KITLG: variants seen among roughly 807,000 people sequenced by gnomAD.
KITLG encodes KIT ligand.
KITLG carries 13 observed loss-of-function variants against 34.1 expected under a neutral mutation model. The ratio of observed to expected loss-of-function variants is 0.38; its 90% CI spans 0.25 to 0.61. The LOEUF is 0.61. Among genes scored for constraint, KITLG ranks in the 20% least tolerant of loss-of-function variants. The pLI is 0.60. For synonymous variants in KITLG, 110 were observed against 104.0 expected (o/e 1.06, Z -0.35); for missense variants, 292 against 318.9 (o/e 0.92, Z 0.64).
chr12:88,519,009 C>A, intron 3 of KITLG, 142 bp from the exon 4 acceptor site: 2 of 732,722 alleles, frequency 2.7e-6, no homozygotes, highest in South Asian at 1.6e-5. Flanking sequence ...ATTACAAGTG[C>A]CTGCCACCAT....
intron 2 of KITLG, among the ~76,000 whole-genome samples, chr12:88,539,320 A>G (rs1870436478): frequency 6.6e-6 from 1 of 152,102 alleles, no homozygotes; most frequent in African/African-American, 2.4e-5. Flanking sequence ...CTTTTACAAA[A>G]TGCTGTGCCT....
chr12:88,520,020 G>C (rs905192300), intron 3 of KITLG, among the ~76,000 whole-genome samples: 1 of 152,142 alleles, frequency 6.6e-6, no homozygotes, highest in Non-Finnish European at 1.5e-5. Flanking sequence ...AAGGAAGCAG[G>C]TTTATCTGCA....
At chr12:88,498,664 C>T (rs773216795) in intron 9 of KITLG, among the ~76,000 whole-genome samples, 5 of 152,160 alleles carry the variant, frequency 3.3e-5, no homozygotes, top group Non-Finnish European at 7.3e-5. Flanking sequence ...CATCTGAAGT[C>T]AGGAGTTTGA....
At chr12:88,534,061 C>G (rs549547083) in intron 2 of KITLG, among the ~76,000 whole-genome samples, 1 of 152,154 alleles carries the variant, frequency 6.6e-6, no homozygotes, top group Admixed American at 6.6e-5. Context: ...AGGCACTGTG[C>G]TCACTATGGG....
intron 2 of KITLG, among the ~76,000 whole-genome samples, chr12:88,542,774 C>T (rs1870567499): frequency 6.6e-6 from 1 of 152,028 alleles, no homozygotes; most frequent in Admixed American, 6.6e-5. Context: ...AGTTGAGATT[C>T]GGTATAGTGA....
chr12:88,547,317 A>G (rs891867289), intron 1 of KITLG, among the ~76,000 whole-genome samples: 2 of 152,190 alleles, frequency 1.3e-5, no homozygotes, highest in African/African-American at 2.4e-5. Context: ...TGCTAATTAC[A>G]TGGATATAGT....
chr12:88,518,238 A>G (rs1436543609), intron 4 of KITLG, among the ~76,000 whole-genome samples: 2 of 152,134 alleles, frequency 1.3e-5, no homozygotes, highest in East Asian at 3.9e-4. Flanking sequence ...TGTCATGCCC[A>G]TATCCTGAAG....
rs1415895149 is a variant in KITLG, at chr12:88,535,884, A to T, written c.130-3381T>A. ...TGGAACTAGACCCCTACTATTCAAC[A>T]CATACAAAAATTAACTCAAAAGGAA... On this transcript the variant is annotated intron_variant, in intron 2 of 9. Transcript: ENST00000644744. Among the ~76,000 whole-genome samples the T allele has an allele frequency of 2.0e-5, 3 of 152,160 alleles. No homozygotes were observed. In the South Asian group the frequency reaches 6.2e-4, roughly 32 times the overall value.
chr12:88,517,483 C>T (rs1231232559), intron 4 of KITLG, among the ~76,000 whole-genome samples: 1 of 152,088 alleles, frequency 6.6e-6, no homozygotes, highest in Non-Finnish European at 1.5e-5. Context: ...CACCAAAGTG[C>T]CATGATTAGT....
chr12:88,545,043 A>T (rs1171663251), intron 2 of KITLG, among the ~76,000 whole-genome samples: 1 of 152,194 alleles, frequency 6.6e-6, no homozygotes, highest in Non-Finnish European at 1.5e-5. Flanking sequence ...AAAAGCATGT[A>T]AGATCTCCCC....
At chr12:88,500,660 A>T (rs1268075758) in intron 9 of KITLG, among the ~76,000 whole-genome samples, 1 of 152,224 alleles carries the variant, frequency 6.6e-6, no homozygotes, top group Non-Finnish European at 1.5e-5. Context: ...CCCAATATGA[A>T]AAAGGTTTTT....
chr12:88,498,152 A>C (rs1164803170), intron 9 of KITLG, among the ~76,000 whole-genome samples: 7 of 152,162 alleles, frequency 4.6e-5, no homozygotes, highest in Non-Finnish European at 1.5e-5. Context: ...CAGTCTCTAA[A>C]TAAATGTGTT....
intron 3 of KITLG, among the ~76,000 whole-genome samples, chr12:88,522,609 G>C (rs1382203516): frequency 6.6e-6 from 1 of 151,780 alleles, no homozygotes; most frequent in East Asian, 1.9e-4. Flanking sequence ...TGTTTTTTTA[G>C]TAGAGATGGG....
chr12:88,542,254 C>T (rs1057471200), intron 2 of KITLG, among the ~76,000 whole-genome samples: 2 of 152,156 alleles, frequency 1.3e-5, no homozygotes, highest in African/African-American at 4.8e-5. Context: ...AAAAGCTACA[C>T]ACTCTCCTCA....
intron 3 of KITLG, among the ~76,000 whole-genome samples, chr12:88,531,391 T>G (rs890099883): frequency 3.9e-5 from 6 of 152,224 alleles, no homozygotes; most frequent in African/African-American, 1.4e-4. Context: ...GTTACATTTG[T>G]AATGTTTCAT....
intron 1 of KITLG, among the ~76,000 whole-genome samples, chr12:88,552,331 T>A (rs147945657): frequency 6.6e-6 from 1 of 151,472 alleles, no homozygotes; most frequent in South Asian, 2.1e-4. Flanking sequence ...CCTGCCACCA[T>A]GGCTGGCCTT....
At chr12:88,506,807 C>A (rs1165665466) in intron 7 of KITLG, among the ~76,000 whole-genome samples, 5 of 152,108 alleles carry the variant, frequency 3.3e-5, no homozygotes, top group African/African-American at 1.2e-4. Context: ...TTAGTTCAGG[C>A]TATTAACACC....
At chr12:88,553,411 T>C (rs1207589795) in intron 1 of KITLG, among the ~76,000 whole-genome samples, 1 of 152,178 alleles carries the variant, frequency 6.6e-6, no homozygotes, top group Non-Finnish European at 1.5e-5. Flanking sequence ...TGCTCTAAAA[T>C]GTATCTTTTC....
At chr12:88,577,775 G>C (rs1029944217) in intron 1 of KITLG, among the ~76,000 whole-genome samples, 1 of 152,198 alleles carries the variant, frequency 6.6e-6, no homozygotes, top group Non-Finnish European at 1.5e-5. Context: ...ACCCCAAGTG[G>C]TTGTTGATGG....
Sources: gnomAD v4.1 joint callset for allele counts (sites outside exome capture counted in the v4.1 genomes callset) on GRCh38, gnomAD v4.1.1 for gene constraint, MANE v1.5 for transcripts, NCBI Gene and HGNC (gene_info 2026-07-23, HGNC 2026-07-21) for gene names.